The following HERC3 variants were observed in gnomAD, a reference collection of about 807,000 sequenced individuals.
The protein encoded by HERC3 is probable E3 ubiquitin-protein ligase HERC3.
Under a neutral mutation model 129.9 loss-of-function variants are expected in HERC3, and 58 were observed. The observed-to-expected ratio is 0.45, with a 90% CI of 0.36 to 0.56. The LOEUF is 0.56. Ranked by LOEUF, HERC3 falls within the 20% of genes least tolerant of loss-of-function variation. HERC3 has a pLI of 0.00. For synonymous variants in HERC3, 430 were observed against 451.0 expected (o/e 0.95, Z 0.59); for missense variants, 835 against 1,244.2 (o/e 0.67, Z 4.95).
chr4:88,643,708 A>G (rs1728383296), intron 3 of HERC3, among the ~76,000 whole-genome samples: 1 of 152,230 alleles, frequency 6.6e-6, no homozygotes, highest in African/African-American at 2.4e-5. Flanking sequence ...AAGAACCTTG[A>G]TCTGAATCTC....
At chr4:88,615,848 A>G (rs1054315715) in intron 3 of HERC3, among the ~76,000 whole-genome samples, 2 of 152,174 alleles carry the variant, frequency 1.3e-5, no homozygotes, top group South Asian at 4.1e-4. Context: ...ATATGCTGCC[A>G]AAGCAAGTAC....
upstream of HERC3, among the ~76,000 whole-genome samples, chr4:88,589,501 C>G (rs1315152537): frequency 3.9e-5 from 6 of 152,260 alleles, no homozygotes; most frequent in East Asian, 1.2e-3. Flanking sequence ...TTCATGGCAA[C>G]AAAGACTGTA....
chr4:88,620,924 T>C (rs1376467864), intron 3 of HERC3, among the ~76,000 whole-genome samples: 2 of 152,208 alleles, frequency 1.3e-5, no homozygotes, highest in African/African-American at 4.8e-5. Flanking sequence ...CTGTGTTTCC[T>C]ACCCTTCCCA....
chr4:88,564,936 T>C, the HERC3 span, among the ~76,000 whole-genome samples: 1 of 152,074 alleles, frequency 6.6e-6, no homozygotes, highest in Non-Finnish European at 1.5e-5. Flanking sequence ...TTTTTTATGT[T>C]TCAAGAAAAA....
intron 10 of HERC3, among the ~76,000 whole-genome samples, chr4:88,660,438 A>G (rs1158131106): frequency 1.3e-5 from 2 of 152,066 alleles, no homozygotes; most frequent in African/African-American, 4.8e-5. Context: ...TCCTGACCTC[A>G]AGTGATCTAC....
At chr4:88,685,208 C>G (rs1246198955) in intron 21 of HERC3, among the ~76,000 whole-genome samples, 1 of 152,106 alleles carries the variant, frequency 6.6e-6, no homozygotes, top group Admixed American at 6.5e-5. Context: ...GATCTAGAAC[C>G]AGAAATACCA....
At chr4:88,626,189 A>G (rs374642995) in intron 3 of HERC3, among the ~76,000 whole-genome samples, 1 of 151,802 alleles carries the variant, frequency 6.6e-6, no homozygotes, top group African/African-American at 2.4e-5. Flanking sequence ...GTTAATTTAT[A>G]TTCTTTCTTT....
chr4:88,591,187 C>G (rs1305438242), upstream of HERC3, among the ~76,000 whole-genome samples: 1 of 152,222 alleles, frequency 6.6e-6, no homozygotes, highest in African/African-American at 2.4e-5. Flanking sequence ...GCCACCGCGC[C>G]TGGCCATCCC....
At chr4:88,639,653 A>G (rs1004025948) in intron 3 of HERC3, among the ~76,000 whole-genome samples, 5 of 152,364 alleles carry the variant, frequency 3.3e-5, no homozygotes, top group Middle Eastern at 6.8e-3. Context: ...AACCCAGGCA[A>G]TACCATTCAG....
At chr4:88,697,571 C>T in intron 23 of HERC3, 1 of 1,614,104 alleles carries the variant, frequency 6.2e-7, no homozygotes, top group Non-Finnish European at 8.5e-7. Flanking sequence ...GGCTTTGGGG[C>T]ATTCTCTGCA....
At chr4:88,613,071 G>A (rs1377720554) in intron 3 of HERC3, among the ~76,000 whole-genome samples, 11 of 152,178 alleles carry the variant, frequency 7.2e-5, no homozygotes, top group African/African-American at 2.4e-4. Context: ...TTTAGGGTAA[G>A]CTAATCTCTG....
chr4:88,551,582 A>T, the HERC3 span, among the ~76,000 whole-genome samples: 1 of 151,814 alleles, frequency 6.6e-6, no homozygotes, highest in East Asian at 1.9e-4. Context: ...AACCACAATG[A>T]GATACCATCT....
chr4:88,650,581 A>G lies in HERC3; in HGVS notation c.386+582A>G, dbSNP rs1011110673. On this transcript the variant is annotated intron_variant, in intron 4 of 25. Transcript: ENST00000402738. ...TCCCAAATATTGAAGTTACTTTCAA[A>G]TGGACTTTTTAGTGGTGGTGTCTCA... Among the ~76,000 whole-genome samples, 3 of 152,218 alleles carry G rather than the reference A, an allele frequency of 2.0e-5. No homozygotes were observed. In the East Asian group the frequency reaches 5.8e-4, roughly 29 times the overall value.
chr4:88,566,651 C>G, the HERC3 span, among the ~76,000 whole-genome samples: 1 of 152,210 alleles, frequency 6.6e-6, no homozygotes, highest in African/African-American at 2.4e-5. Context: ...CTGAAGAACT[C>G]CCTTTAACAT....
chr4:88,632,014 T>C (rs1726825999), intron 3 of HERC3, among the ~76,000 whole-genome samples: 1 of 152,054 alleles, frequency 6.6e-6, no homozygotes. Flanking sequence ...GAGATTACCA[T>C]TTTTTCCCCT....
At chr4:88,684,555 A>T (rs1473138597) in intron 21 of HERC3, among the ~76,000 whole-genome samples, 1 of 152,230 alleles carries the variant, frequency 6.6e-6, no homozygotes, top group Non-Finnish European at 1.5e-5. Flanking sequence ...TTCAGGACAT[A>T]GGCATGGGCA....
chr4:88,594,378 A>G (rs1578129139), intron 1 of HERC3, among the ~76,000 whole-genome samples: 1 of 152,182 alleles, frequency 6.6e-6, no homozygotes, highest in African/African-American at 2.4e-5. Context: ...GATTTTCTGC[A>G]TAGAGAGGTA....
chr4:88,651,104 T>C (rs1729225968), intron 4 of HERC3, among the ~76,000 whole-genome samples: 1 of 152,192 alleles, frequency 6.6e-6, no homozygotes, highest in South Asian at 2.1e-4. Flanking sequence ...AAAGAAGTGC[T>C]AGATGTTATG....
intron 3 of HERC3, among the ~76,000 whole-genome samples, chr4:88,648,921 T>C (rs1443336268): frequency 6.6e-6 from 1 of 152,088 alleles, no homozygotes; most frequent in Non-Finnish European, 1.5e-5. Context: ...TTTAAATTTA[T>C]GCTACCACAT....
Sources: allele counts gnomAD v4.1 joint callset (sites outside exome capture counted in the v4.1 genomes callset), GRCh38; gene constraint gnomAD v4.1.1; transcripts MANE v1.5; gene names NCBI Gene and HGNC (gene_info 2026-07-23, HGNC 2026-07-21).